NAALADL2: variants seen among roughly 807,000 people sequenced by gnomAD.
NAALADL2 encodes inactive N-acetylated-alpha-linked acidic dipeptidase-like protein 2.
A neutral mutation model predicts 87.2 loss-of-function variants in NAALADL2; 76 were observed. The observed-to-expected ratio is 0.87, with a 90% CI of 0.72 to 1.05. The LOEUF (loss-of-function observed/expected upper bound fraction) is 1.05, where lower values mean the gene tolerates loss of function less well. Ranked by LOEUF, NAALADL2 falls within the 50% of genes least tolerant of loss-of-function variation. The probability of loss-of-function intolerance (pLI) is 0.00; values close to 1 mark genes in which losing one functional copy is unlikely to be tolerated. For synonymous variants in NAALADL2, 354 were observed against 331.0 expected, an observed-to-expected ratio of 1.07 and a Z score of -0.75; for missense variants, 1,089 against 945.8, an observed-to-expected ratio of 1.15 and a Z score of -1.99.
chr3:175,610,838 C>CATTCTGAG (rs1225553066), intron 10 of NAALADL2, among the ~76,000 whole-genome samples: 1 of 151,982 alleles, frequency 6.6e-6, no homozygotes. Flanking sequence ...TGCCAGCAAC[C>CATTCTGAG]ATTCTGAGTG....
chr3:175,008,866 G>A lies in NAALADL2; in HGVS notation c.44-87924G>A, dbSNP rs890717536. Among the ~76,000 whole-genome samples the A allele has an allele frequency of 3.9e-5, 6 of 152,156 alleles. No homozygotes were observed. The East Asian group carries it at 1.2e-3, about 29-fold the overall frequency. On this transcript the variant is annotated intron_variant, in intron 1 of 13. Transcript: ENST00000454872. ...TTATATTCCATACAGTGAGCAAACC[G>A]AGTACCCTAAGTTCAGTAAGATGCA...
chr3:174,488,449 C>T (rs965935724), intron 1 of NAALADL2, among the ~76,000 whole-genome samples: 6 of 151,956 alleles, frequency 3.9e-5, no homozygotes, highest in Admixed American at 2.6e-4. Context: ...GGATAGAGTG[C>T]CTGAGCACAA....
chr3:174,947,624 GAAAA>G (rs1192465067), intron 1 of NAALADL2, among the ~76,000 whole-genome samples: 6 of 150,752 alleles, frequency 4.0e-5, no homozygotes, highest in African/African-American at 1.5e-4. Context: ...TTATTCTTGG[GAAAA>G]AAAACACTGA....
intron 9 of NAALADL2, among the ~76,000 whole-genome samples, chr3:175,511,853 C>A (rs1731203624): frequency 6.6e-6 from 1 of 152,184 alleles, no homozygotes. Context: ...AAGAGCTAGT[C>A]CTTGTTACTT....
chr3:175,622,699 G>A (rs1726397697), intron 10 of NAALADL2, among the ~76,000 whole-genome samples: 1 of 152,098 alleles, frequency 6.6e-6, no homozygotes, highest in African/African-American at 2.4e-5. Flanking sequence ...ATCTTAAATA[G>A]TTGGGACTAT....
At chr3:174,893,321 C>A (rs35453768) in intron 1 of NAALADL2, among the ~76,000 whole-genome samples, 31,191 of 147,166 alleles carry the variant, frequency 0.21, 3,266 homozygotes, top group East Asian at 0.33. Flanking sequence ...CCCCCCCCCG[C>A]AAAAAGTTAT....
chr3:175,192,550 A>G (rs974149006), intron 2 of NAALADL2, among the ~76,000 whole-genome samples: 1 of 152,024 alleles, frequency 6.6e-6, no homozygotes, highest in Non-Finnish European at 1.5e-5. Flanking sequence ...TGTAGAGAGC[A>G]TTCATTAATT....
At chr3:175,244,978 C>T (rs1403488295) in intron 3 of NAALADL2, among the ~76,000 whole-genome samples, 1 of 152,086 alleles carries the variant, frequency 6.6e-6, no homozygotes, top group East Asian at 1.9e-4. Context: ...CTCATTTCCT[C>T]CCTATCTTCA....
chr3:175,438,971 A>G (rs1230571084), intron 5 of NAALADL2, among the ~76,000 whole-genome samples: 1 of 152,022 alleles, frequency 6.6e-6, no homozygotes, highest in East Asian at 1.9e-4. Flanking sequence ...TGTACATTGT[A>G]CCCAATGTGT....
chr3:174,500,477 C>T (rs1718812439), intron 1 of NAALADL2, among the ~76,000 whole-genome samples: 1 of 152,130 alleles, frequency 6.6e-6, no homozygotes, highest in African/African-American at 2.4e-5. Flanking sequence ...TGGCTAGAAC[C>T]TCCAGTGTAA....
intron 3 of NAALADL2, among the ~76,000 whole-genome samples, chr3:174,817,817 A>G (rs1720967877): frequency 6.6e-6 from 1 of 152,104 alleles, no homozygotes; most frequent in Non-Finnish European, 1.5e-5. Flanking sequence ...TCCATTGTCA[A>G]TCAGCATTTC....
At chr3:174,943,962 G>C (rs1739007509) in intron 1 of NAALADL2, among the ~76,000 whole-genome samples, 3 of 152,120 alleles carry the variant, frequency 2.0e-5, no homozygotes, top group Admixed American at 2.0e-4. Flanking sequence ...CTGGCAGGGG[G>C]TAACTGGAGG....
chr3:175,293,778 T>C (rs1342144354), intron 4 of NAALADL2, among the ~76,000 whole-genome samples: 2 of 152,196 alleles, frequency 1.3e-5, no homozygotes, highest in Non-Finnish European at 2.9e-5. Context: ...GATTTCAGGT[T>C]TCCCAGGCTC....
At chr3:175,180,135 G>A (rs969646315) in intron 2 of NAALADL2, among the ~76,000 whole-genome samples, 1 of 151,828 alleles carries the variant, frequency 6.6e-6, no homozygotes, top group African/African-American at 2.4e-5. Context: ...AACATGCACT[G>A]AACGTATTAG....
intron 2 of NAALADL2, among the ~76,000 whole-genome samples, chr3:174,629,202 G>C (rs1195205985): frequency 6.6e-6 from 1 of 152,120 alleles, no homozygotes; most frequent in African/African-American, 2.4e-5. Context: ...ATTTTCCTTT[G>C]TGTAGAAAGA....
chr3:175,151,727 A>G (rs557662164), intron 2 of NAALADL2, among the ~76,000 whole-genome samples: 1 of 152,204 alleles, frequency 6.6e-6, no homozygotes, highest in East Asian at 1.9e-4. Flanking sequence ...CTTTATGGAA[A>G]TTTAAAAACC....
At chr3:175,665,935 C>CA (rs972156320) in intron 11 of NAALADL2, among the ~76,000 whole-genome samples, 5 of 150,980 alleles carry the variant, frequency 3.3e-5, no homozygotes, top group East Asian at 1.9e-4. Context: ...GTCCCCCCCC[C>CA]AAAAAAAAGG....
chr3:175,281,722 A>C (rs1275004793), intron 4 of NAALADL2, among the ~76,000 whole-genome samples: 2 of 151,960 alleles, frequency 1.3e-5, no homozygotes, highest in African/African-American at 4.8e-5. Context: ...CTTCATTTAT[A>C]CTTGTGAATA....
At chr3:175,550,080 T>G (rs1055501664) in intron 9 of NAALADL2, among the ~76,000 whole-genome samples, 1 of 152,104 alleles carries the variant, frequency 6.6e-6, no homozygotes, top group Non-Finnish European at 1.5e-5. Flanking sequence ...ATTAGTTAAG[T>G]GTAGGATCAC....
Sources: allele counts gnomAD v4.1 joint callset (sites outside exome capture counted in the v4.1 genomes callset), GRCh38; gene constraint gnomAD v4.1.1; transcripts MANE v1.5; gene names NCBI Gene and HGNC (gene_info 2026-07-23, HGNC 2026-07-21).